The following GRIP1 variants were observed in gnomAD, a reference collection of about 807,000 sequenced individuals.
GRIP1 encodes the protein glutamate receptor interacting protein 1, also known as glutamate receptor-interacting protein 1.
In GRIP1, 45 loss-of-function variants were observed where a neutral mutation model predicts 129.9. That is an observed-to-expected ratio of 0.35 (90% CI 0.27 to 0.44). GRIP1 has a LOEUF of 0.44. GRIP1 is among the 20% of genes least tolerant of loss of function. The probability of loss-of-function intolerance (pLI) is 1.00; values close to 1 mark genes in which losing one functional copy is unlikely to be tolerated. For missense variants in GRIP1, 1,196 were observed against 1,396.8 expected (o/e 0.86, Z 2.29); for synonymous variants, 530 against 520.8 (o/e 1.02, Z -0.24).
intron 1 of GRIP1, among the ~76,000 whole-genome samples, chr12:66,607,478 T>C (rs1186831124): frequency 6.6e-6 from 1 of 152,228 alleles, no homozygotes; most frequent in Non-Finnish European, 1.5e-5. Flanking sequence ...TTTAGTATTC[T>C]AGACAACAAG....
At chr12:67,025,668 G>C (rs2042932757) in intron 1 of GRIP1, among the ~76,000 whole-genome samples, 1 of 151,980 alleles carries the variant, frequency 6.6e-6, no homozygotes, top group Admixed American at 6.6e-5. Context: ...CTCCCCCCAG[G>C]GTTTAACTCG....
At chr12:66,479,711 C>T (rs982095086) in intron 7 of GRIP1, among the ~76,000 whole-genome samples, 5 of 152,132 alleles carry the variant, frequency 3.3e-5, no homozygotes, top group Non-Finnish European at 7.4e-5. Flanking sequence ...ACATCAAAAG[C>T]TTATCCACAA....
rs150703718 is a variant in GRIP1, at chr12:66,486,547, T to G, written c.725-21125A>C. 7.4e-3 allele frequency among the ~76,000 whole-genome samples: 1,130 copies of G among 152,256 alleles called. 18 individuals carry two copies. The highest frequency in any genetic ancestry group is 0.026 in the African/African-American group (1,089 of 41,554). ...GGTAATGAATAAGTCTCATGAGATC[T>G]GAGGGTTTTATCAGGGGTTTCCGCT... is the stretch of plus-strand genomic sequence containing the variant. On this transcript the variant is annotated intron_variant, in intron 7 of 24. Coordinates refer to ENST00000359742, the MANE Select transcript of GRIP1 (RefSeq NM_001366722.1).
chr12:66,910,271 C>T (rs562104613), intron 1 of GRIP1, among the ~76,000 whole-genome samples: 8 of 152,282 alleles, frequency 5.3e-5, no homozygotes, highest in East Asian at 1.9e-4. Flanking sequence ...CTCTCTCTGC[C>T]TAAGTACAAA....
At chr12:66,484,080 C>T (rs890298011) in intron 7 of GRIP1, among the ~76,000 whole-genome samples, 10 of 151,908 alleles carry the variant, frequency 6.6e-5, no homozygotes, top group African/African-American at 2.2e-4. Context: ...GGGATGGTCT[C>T]GATCTCCTGA....
intron 2 of GRIP1, among the ~76,000 whole-genome samples, chr12:66,580,903 C>T (rs542463067): frequency 1.4e-4 from 21 of 152,068 alleles, no homozygotes; most frequent in South Asian, 4.2e-4. Flanking sequence ...CTGCATCAAG[C>T]GGACCTAATA....
intron 13 of GRIP1, among the ~76,000 whole-genome samples, chr12:66,443,429 T>A (rs1012235094): frequency 1.3e-5 from 2 of 148,678 alleles, no homozygotes; most frequent in African/African-American, 5.0e-5. Context: ...TACCGCAATA[T>A]TTTTTTTTTC....
chr12:66,814,202 C>G (rs945375694), intron 1 of GRIP1, among the ~76,000 whole-genome samples: 1 of 151,992 alleles, frequency 6.6e-6, no homozygotes, highest in African/African-American at 2.4e-5. Context: ...CAACTGTGAG[C>G]AAGTTAAACT....
intron 7 of GRIP1, among the ~76,000 whole-genome samples, chr12:66,509,867 G>A (rs1262295827): frequency 6.6e-6 from 1 of 151,972 alleles, no homozygotes; most frequent in Non-Finnish European, 1.5e-5. Context: ...TAGGTGATGG[G>A]TTGATCCGTG....
upstream of GRIP1, among the ~76,000 whole-genome samples, chr12:66,679,516 C>T (rs4617664): frequency 0.67 from 100,126 of 150,026 alleles, 33,630 homozygotes; most frequent in African/African-American, 0.75. Flanking sequence ...GAAAGAATCA[C>T]AGTTCTGCCT....
intron 23 of GRIP1, among the ~76,000 whole-genome samples, chr12:66,363,525 A>G (rs1375171335): frequency 6.6e-6 from 1 of 151,472 alleles, no homozygotes; most frequent in African/African-American, 2.4e-5. Context: ...TATTGAGATT[A>G]CAGGTGTGAG....
intron 9 of GRIP1, among the ~76,000 whole-genome samples, chr12:66,458,975 C>G (rs1298212487): frequency 1.3e-5 from 2 of 152,192 alleles, no homozygotes; most frequent in Non-Finnish European, 2.9e-5. Context: ...CCCATGCTAT[C>G]TCATTACTGT....
At chr12:66,783,033 G>A (rs1187531466) in intron 1 of GRIP1, among the ~76,000 whole-genome samples, 2 of 152,052 alleles carry the variant, frequency 1.3e-5, no homozygotes, top group Non-Finnish European at 2.9e-5. Flanking sequence ...AAAGGCAAAT[G>A]AGTAAAGGTA....
At chr12:66,535,891 A>G (rs951315753) in intron 4 of GRIP1, among the ~76,000 whole-genome samples, 4 of 152,162 alleles carry the variant, frequency 2.6e-5, no homozygotes, top group African/African-American at 9.7e-5. Flanking sequence ...ACTCCAAATC[A>G]TATCTTCAGG....
intron 2 of GRIP1, among the ~76,000 whole-genome samples, chr12:66,549,331 A>G (rs1210118109): frequency 2.6e-5 from 4 of 152,168 alleles, no homozygotes; most frequent in Non-Finnish European, 1.5e-5. Flanking sequence ...ACAGGAGCAG[A>G]CAGAGTTATT....
intron 1 of GRIP1, among the ~76,000 whole-genome samples, chr12:66,966,170 T>C (rs995609313): frequency 6.6e-6 from 1 of 152,166 alleles, no homozygotes; most frequent in Non-Finnish European, 1.5e-5. Flanking sequence ...ATTCCAGAAA[T>C]AAACTGAGTA....
intron 1 of GRIP1, among the ~76,000 whole-genome samples, chr12:66,659,302 C>T (rs2033356663): frequency 6.6e-6 from 1 of 152,206 alleles, no homozygotes; most frequent in Non-Finnish European, 1.5e-5. Flanking sequence ...TTTTACTCTG[C>T]CATTAGAAGT....
At chr12:66,364,948 G>A (rs948250002) in intron 23 of GRIP1, among the ~76,000 whole-genome samples, 4 of 151,842 alleles carry the variant, frequency 2.6e-5, no homozygotes, top group Non-Finnish European at 5.9e-5. Context: ...TCCCCAGGGC[G>A]TGTCCATAAC....
At chr12:66,590,272 G>A (rs1733945238) in intron 2 of GRIP1, among the ~76,000 whole-genome samples, 1 of 152,164 alleles carries the variant, frequency 6.6e-6, no homozygotes, top group African/African-American at 2.4e-5. Context: ...AAGAATTATT[G>A]TTTAAAAATC....
Sources: gnomAD v4.1 joint callset for allele counts (sites outside exome capture counted in the v4.1 genomes callset) on GRCh38, gnomAD v4.1.1 for gene constraint, MANE v1.5 for transcripts, NCBI Gene and HGNC (gene_info 2026-07-23, HGNC 2026-07-21) for gene names.